The following CFAP54 variants were observed in gnomAD, a reference collection of about 807,000 sequenced individuals.
The protein encoded by CFAP54 is cilia- and flagella-associated protein 54.
In CFAP54, 290 loss-of-function variants were observed where a neutral mutation model predicts 370.4. The ratio of observed to expected loss-of-function variants is 0.78; its 90% confidence interval spans 0.71 to 0.86. The LOEUF (loss-of-function observed/expected upper bound fraction) is 0.86. Ranked by LOEUF, CFAP54 falls within the 40% of genes least tolerant of loss-of-function variation. The probability of loss-of-function intolerance (pLI) is 0.00; values close to 1 mark genes in which losing one functional copy is unlikely to be tolerated. For missense variants in CFAP54, 3,399 were observed against 3,528.7 expected (o/e 0.96, Z 0.93); for synonymous variants, 1,206 against 1,236.5 (o/e 0.98, Z 0.52).
chr12:96,516,887 A>C (rs1215897026), intron 5 of CFAP54, among the ~76,000 whole-genome samples: 1 of 152,186 alleles, frequency 6.6e-6, no homozygotes, highest in East Asian at 1.9e-4. Context: ...ATGAGGCTGC[A>C]GCGCCATCCT....
In CFAP54 at chr12:96,547,855, C is replaced by T. The variant is rs188670662; in HGVS notation, c.2078-47C>T. The T allele has an allele frequency of 3.4e-3, 3,275 of 974,470 alleles. 11 individuals carry two copies. The highest frequency in any genetic ancestry group is 4.3e-3 in the Non-Finnish European group (2,884 of 673,302). The allele number at this position is 974,470 out of a possible 1,614,324, so 60.4% of individuals were successfully genotyped here. On this transcript the variant is annotated intron_variant, in intron 14 of 67. Coordinates refer to ENST00000524981, the MANE Select transcript of CFAP54 (RefSeq NM_001306084.2). ...TCCTTTTTTTTCATCTCCTCTTCTC[C>T]CTTCCCCTCCATCCTTCATTCCCTT...
At chr12:96,677,369 T>A (rs1240514258) in intron 39 of CFAP54, among the ~76,000 whole-genome samples, 1 of 152,196 alleles carries the variant, frequency 6.6e-6, no homozygotes, top group African/African-American at 2.4e-5. Flanking sequence ...CTCATAGCAG[T>A]TTCAACTGAC....
intron 36 of CFAP54, among the ~76,000 whole-genome samples, chr12:96,653,998 G>A (rs11108617): frequency 0.15 from 22,269 of 152,038 alleles, 2,123 homozygotes; most frequent in East Asian, 0.44. Flanking sequence ...GATCACTTAG[G>A]TGAAATGGAC....
At chr12:96,669,907 G>A (rs1387923802) in intron 39 of CFAP54, among the ~76,000 whole-genome samples, 1 of 152,190 alleles carries the variant, frequency 6.6e-6, no homozygotes, top group Non-Finnish European at 1.5e-5. Context: ...ATAAACTTGA[G>A]GATGGCGTCC....
At chr12:96,669,972 C>T (rs1957126150) in intron 39 of CFAP54, among the ~76,000 whole-genome samples, 1 of 152,144 alleles carries the variant, frequency 6.6e-6, no homozygotes, top group Non-Finnish European at 1.5e-5. Context: ...TTCAGCTATA[C>T]AGCAGTAACA....
chr12:96,785,303 C>T (rs187266259), intron 61 of CFAP54, among the ~76,000 whole-genome samples: 84 of 151,766 alleles, frequency 5.5e-4, no homozygotes, highest in African/African-American at 2.0e-3. Flanking sequence ...CATATTAATT[C>T]CGTGGAGTTT....
chr12:96,540,817 T>C lies in CFAP54; in HGVS notation c.1927-20T>C. 7.2e-7 allele frequency: 1 copy of C among 1,386,294 alleles called. No individual in the cohort carries two copies. The highest frequency in any genetic ancestry group is 9.4e-7 in the Non-Finnish European group (1 of 1,065,910). 85.9% of individuals were successfully genotyped at this position (1,386,294 alleles called of 1,614,324 possible). A position where few individuals can be genotyped will look rare whatever the true frequency, so the allele number is the denominator to read the frequency against. ...TTCATATACTTTTAATTAATTTTGC[T>C]GTGTATTTTCTCTTTTTAGTGGATT... On this transcript the variant is annotated intron_variant, in intron 13 of 67. Transcript: ENST00000524981.
chr12:96,869,100 C>T (rs1461876700), intron 67 of CFAP54, among the ~76,000 whole-genome samples: 1 of 151,972 alleles, frequency 6.6e-6, no homozygotes, highest in Non-Finnish European at 1.5e-5. Flanking sequence ...TTTATTTTTG[C>T]AAAACAATAT....
chr12:96,724,250 C>T, intron 50 of CFAP54, among the ~76,000 whole-genome samples: 1 of 150,954 alleles, frequency 6.6e-6, no homozygotes, highest in Non-Finnish European at 1.5e-5. Context: ...GGAATCGCCA[C>T]ACTGACTTCC....
At chr12:96,504,403 C>T (rs947627672) in intron 3 of CFAP54, among the ~76,000 whole-genome samples, 2 of 152,042 alleles carry the variant, frequency 1.3e-5, no homozygotes, top group Non-Finnish European at 2.9e-5. Context: ...TATAAAAAAG[C>T]GACTCAAGAT....
chr12:96,763,860 G>GAAT (rs1958365968), intron 58 of CFAP54, among the ~76,000 whole-genome samples: 2 of 151,980 alleles, frequency 1.3e-5, no homozygotes, highest in African/African-American at 4.8e-5. Context: ...AAAATGATAA[G>GAAT]AATAATTTAA....
At chr12:96,834,066 T>C (rs539932488) in intron 66 of CFAP54, among the ~76,000 whole-genome samples, 8 of 152,158 alleles carry the variant, frequency 5.3e-5, no homozygotes, top group African/African-American at 1.9e-4. Context: ...TAGACTACAC[T>C]CAGTAGGTGT....
chr12:96,642,029 G>A (rs1345932927), intron 32 of CFAP54, among the ~76,000 whole-genome samples: 1 of 151,164 alleles, frequency 6.6e-6, no homozygotes, highest in Non-Finnish European at 1.5e-5. Flanking sequence ...GTATACATAT[G>A]TAACAAACTT....
At chr12:96,679,892 G>A (rs1957251798) in intron 40 of CFAP54, 140 bp downstream of exon 40, 1 of 808,986 alleles carries the variant, frequency 1.2e-6, no homozygotes, top group Admixed American at 2.4e-5. Flanking sequence ...CTCTTGTCCA[G>A]TGGATCTATT....
At chr12:96,567,805 C>A (rs575469519) in intron 19 of CFAP54, among the ~76,000 whole-genome samples, 1 of 152,104 alleles carries the variant, frequency 6.6e-6, no homozygotes, top group East Asian at 1.9e-4. Context: ...GGGAACATAC[C>A]GGGACTGAGA....
chr12:96,620,024 A>G (rs1161389390), intron 26 of CFAP54, among the ~76,000 whole-genome samples: 1 of 152,190 alleles, frequency 6.6e-6, no homozygotes, highest in Non-Finnish European at 1.5e-5. Flanking sequence ...AAATTTTTAA[A>G]AAAACTCACA....
At chr12:96,643,003 T>A (rs1005282883) in intron 32 of CFAP54, among the ~76,000 whole-genome samples, 2 of 152,204 alleles carry the variant, frequency 1.3e-5, no homozygotes, top group African/African-American at 4.8e-5. Context: ...CTCCCTGAAC[T>A]ATCGCACTCT....
chr12:96,783,541 A>C (rs940723794), intron 60 of CFAP54, among the ~76,000 whole-genome samples: 3 of 152,250 alleles, frequency 2.0e-5, no homozygotes, highest in African/African-American at 7.2e-5. Context: ...TTGTTAACTC[A>C]TTGTACATTT....
chr12:96,501,352 G>T (rs141051969), intron 2 of CFAP54, among the ~76,000 whole-genome samples: 3 of 152,358 alleles, frequency 2.0e-5, no homozygotes, highest in Admixed American at 6.5e-5. Context: ...CAGCTCTGTT[G>T]CTTGCTTCAG....
Sources: allele counts gnomAD v4.1 joint callset (sites outside exome capture counted in the v4.1 genomes callset), GRCh38; gene constraint gnomAD v4.1.1; transcripts MANE v1.5; gene names NCBI Gene and HGNC (gene_info 2026-07-23, HGNC 2026-07-21).